The following ATXN2 variants were observed in gnomAD, a reference collection of about 807,000 sequenced individuals.
ATXN2 encodes the protein ataxin 2.
A neutral mutation model predicts 138.6 loss-of-function variants in ATXN2; 37 were observed. That is an observed-to-expected ratio of 0.27 (90% confidence interval 0.21 to 0.35). The LOEUF is 0.35. ATXN2 is among the 10% of genes least tolerant of loss of function. The pLI is 1.00. For synonymous variants in ATXN2, 549 were observed against 543.7 expected, an observed-to-expected ratio of 1.01 and a Z score of -0.13; for missense variants, 1,216 against 1,480.3, an observed-to-expected ratio of 0.82 and a Z score of 2.93.
intron 1 of ATXN2, among the ~76,000 whole-genome samples, chr12:111,574,882 A>G (rs1883545168): frequency 1.3e-5 from 2 of 152,194 alleles, no homozygotes; most frequent in Non-Finnish European, 2.9e-5. Flanking sequence ...CCAAAATACA[A>G]TGATAGTAAC....
At chr12:111,470,391 T>C in intron 19 of ATXN2, 151 bp from the exon 20 acceptor site, 1 of 1,203,444 alleles carries the variant, frequency 8.3e-7, no homozygotes, top group South Asian at 1.6e-5. Flanking sequence ...CTGAACCTCT[T>C]ACAATCATCA....
At chr12:111,464,327 GTGTGTGTTTGTGTGTGTGT>G (rs1566005286) in intron 21 of ATXN2, among the ~76,000 whole-genome samples, 7 of 127,724 alleles carry the variant, frequency 5.5e-5, no homozygotes, top group African/African-American at 2.6e-4. Flanking sequence ...TGGCTTGGGT[GTGTGTGTTTGTGTGTGTGT>G]GTGTGTGTGT....
At position 111,453,079 on chromosome 12, in the gene ATXN2, G is replaced by A; in HGVS notation, c.3440-239C>T. The A allele has an allele frequency of 3.9e-6, 5 of 1,281,296 alleles. No homozygotes were observed. The highest frequency in any genetic ancestry group is 3.1e-5 in the East Asian group (1 of 32,430). 79.4% of individuals were successfully genotyped at this position (1,281,296 alleles called of 1,614,324 possible). On this transcript the variant is annotated intron_variant, in intron 24 of 24. Transcript: ENST00000673436. The surrounding 1 kb of genome is among the most constrained non-coding windows in gnomAD (Gnocchi z 5.4). ...AACTCCCAGAAGACTTGTTCATGGG[G>A]TAGAAAAAAAGGCCTTAACAAACCC...
chr12:111,568,919 A>G (rs1448197966), intron 1 of ATXN2, among the ~76,000 whole-genome samples: 1 of 152,202 alleles, frequency 6.6e-6, no homozygotes, highest in African/African-American at 2.4e-5. Flanking sequence ...TTTTCTCCCT[A>G]AAAAGTTGAG....
At chr12:111,546,613 A>G (rs1426721894) in intron 5 of ATXN2, among the ~76,000 whole-genome samples, 1 of 152,198 alleles carries the variant, frequency 6.6e-6, no homozygotes, top group East Asian at 1.9e-4. Context: ...AGAGGAAAAC[A>G]TGAATAATGG....
intron 14 of ATXN2, among the ~76,000 whole-genome samples, chr12:111,491,245 C>G (rs1878012585): frequency 6.6e-6 from 1 of 152,052 alleles, no homozygotes; most frequent in Non-Finnish European, 1.5e-5. Flanking sequence ...AAGAGCGAAA[C>G]TCTGCCAAAA....
chr12:111,570,471 A>C (rs1883256966), intron 1 of ATXN2, among the ~76,000 whole-genome samples: 1 of 152,202 alleles, frequency 6.6e-6, no homozygotes, highest in Non-Finnish European at 1.5e-5. Flanking sequence ...TTTCTAACTG[A>C]AACATATTCT....
intron 1 of ATXN2, among the ~76,000 whole-genome samples, chr12:111,582,159 GTC>G (rs1451438050): frequency 6.6e-6 from 1 of 152,102 alleles, no homozygotes; most frequent in African/African-American, 2.4e-5. Context: ...CAGTGAGACT[GTC>G]TCTACAAAAA....
intron 1 of ATXN2, among the ~76,000 whole-genome samples, chr12:111,561,856 G>A (rs1266872909): frequency 1.3e-5 from 2 of 151,910 alleles, no homozygotes; most frequent in East Asian, 3.9e-4. Context: ...CTGTCGCTCA[G>A]GCTGGAGTGC....
At chr12:111,481,627 G>A (rs1399584195) in intron 18 of ATXN2, among the ~76,000 whole-genome samples, 1 of 152,104 alleles carries the variant, frequency 6.6e-6, no homozygotes, top group Non-Finnish European at 1.5e-5. Flanking sequence ...TTCTACTTTA[G>A]GAGAAATGAA....
chr12:111,518,468 G>GT (rs1566038348), intron 8 of ATXN2, 41 bp from the exon 9 acceptor site: 2 of 1,541,490 alleles, frequency 1.3e-6, no homozygotes, highest in Non-Finnish European at 1.8e-6. Flanking sequence ...ATTCTAAAAG[G>GT]TACCAAGCCA....
In ATXN2 at chr12:111,525,270, G is replaced by A; in HGVS notation, c.618C>T (p.His206=). Residue 206 remains histidine, a synonymous_variant, in exon 6 of 25, where the codon CAC becomes CAT. Transcript: ENST00000673436. ...CCCAGGGCTCCAGGTCCTTCTCTTTGTGTTCGCCATTCACTTTAGCACTGA... is the reference window on the plus strand; with the variant it reads ...CCCAGGGCTCCAGGTCCTTCTCTTTATGTTCGCCATTCACTTTAGCACTGA... ...SAISAKVNGE[H]KEKDLEPWDA... is the part of the protein sequence containing the mutation. 1 of 1,613,486 alleles carries A rather than the reference G, an allele frequency of 6.2e-7. No homozygotes were observed. Among genetic ancestry groups the A allele is most frequent in the Non-Finnish European group, 8.5e-7 (1 of 1,179,902 alleles).
chr12:111,486,472 A>C (rs1877650539), intron 16 of ATXN2, among the ~76,000 whole-genome samples: 1 of 152,218 alleles, frequency 6.6e-6, no homozygotes, highest in Non-Finnish European at 1.5e-5. Context: ...CAAAACCCTC[A>C]GGTGCAGAGG....
chr12:111,526,726 T>G (rs909242604), intron 5 of ATXN2, among the ~76,000 whole-genome samples: 1 of 152,202 alleles, frequency 6.6e-6, no homozygotes, highest in Non-Finnish European at 1.5e-5. Flanking sequence ...TTTTGTTTAA[T>G]GGATGCACTA....
Position 111,599,277 on chromosome 12 carries a change from T to C in ATXN2, c.-243A>G. ...CGAAACGCGCCGCCGCCGTTGCCGT[T>C]GCTACCAAAACAGTCTGAGGCGGAG... On this transcript the variant is annotated 5_prime_UTR_variant, in exon 1 of 25. Transcript: ENST00000673436. The C allele has an allele frequency of 9.6e-7, 1 of 1,042,678 alleles. No individual in the cohort carries two copies. Among genetic ancestry groups the C allele is most frequent in the East Asian group, 8.1e-5 (1 of 12,270 alleles). The allele number at this position is 1,042,678 out of a possible 1,614,324, so 64.6% of individuals were successfully genotyped here. A position where few individuals can be genotyped will look rare whatever the true frequency, so the allele number is the denominator to read the frequency against.
chr12:111,498,172 C>T (rs1186661381), intron 14 of ATXN2, among the ~76,000 whole-genome samples: 1 of 152,102 alleles, frequency 6.6e-6, no homozygotes, highest in Non-Finnish European at 1.5e-5. Context: ...GACAAGGATG[C>T]CCACTTTCAC....
At chr12:111,585,159 C>T (rs1041983461) in intron 1 of ATXN2, among the ~76,000 whole-genome samples, 58 of 152,292 alleles carry the variant, frequency 3.8e-4, no homozygotes, top group African/African-American at 1.3e-3. Context: ...TAACTAACTA[C>T]ACTGTGCTAT....
rs940295786 is a variant in ATXN2 at position 111,598,068 on chromosome 12, T to C, written c.251+716A>G. On this transcript the variant is annotated intron_variant, in intron 1 of 24. Transcript: ENST00000673436. The surrounding 1 kb of genome is among the most constrained non-coding windows in gnomAD (Gnocchi z 4.5). ...CTTCCCTTCCCCAGGTGGGGGAGGG[T>C]GGAACGCTGCCGGAGGCCACATGGA... 1.8e-6 allele frequency: 2 copies of C among 1,141,604 alleles called. No individual in the cohort carries two copies. The highest frequency in any genetic ancestry group is 3.9e-5 in the Admixed American group (1 of 25,972). The allele number at this position is 1,141,604 out of a possible 1,614,324, so 70.7% of individuals were successfully genotyped here. A position where few individuals can be genotyped will look rare whatever the true frequency, so the allele number is the denominator to read the frequency against.
chr12:111,522,589 G>A (rs376197182), intron 6 of ATXN2, among the ~76,000 whole-genome samples: 11 of 150,478 alleles, frequency 7.3e-5, no homozygotes, highest in South Asian at 2.1e-4. Context: ...AAGTCTGGGC[G>A]ACAGAGCGAG....
Sources: gnomAD v4.1 joint callset for allele counts (sites outside exome capture counted in the v4.1 genomes callset) on GRCh38, gnomAD v4.1.1 for gene constraint, Gnocchi (gnomAD v3.1) non-coding constraint, MANE v1.5 for transcripts, NCBI Gene and HGNC (gene_info 2026-07-23, HGNC 2026-07-21) for gene names.